TENM2: variants seen among roughly 807,000 people sequenced by gnomAD.
TENM2 encodes the protein teneurin transmembrane protein 2, also known as teneurin-2.
TENM2 carries 52 observed loss-of-function variants against 245.2 expected under a neutral mutation model. The ratio of observed to expected loss-of-function variants is 0.21; its 90% CI spans 0.17 to 0.27. TENM2 has a LOEUF of 0.27. TENM2 is among the 10% of genes least tolerant of loss of function. The pLI, the probability that TENM2 is intolerant of heterozygous loss-of-function variation, is 1.00. For synonymous variants in TENM2, 1,363 were observed against 1,438.9 expected, an observed-to-expected ratio of 0.95 and a Z score of 1.19; for missense variants, 3,046 against 3,666.8, an observed-to-expected ratio of 0.83 and a Z score of 4.37.
At chr5:167,388,977 A>G (rs1761602461) in intron 2 of TENM2, among the ~76,000 whole-genome samples, 1 of 151,994 alleles carries the variant, frequency 6.6e-6, no homozygotes, top group Non-Finnish European at 1.5e-5. Context: ...GGTCCTATAG[A>G]ATTTGATAAA....
the TENM2 span, among the ~76,000 whole-genome samples, chr5:167,028,936 T>A: frequency 6.6e-6 from 1 of 152,124 alleles, no homozygotes; most frequent in African/African-American, 2.4e-5. Context: ...TATAAGAAAT[T>A]ATTTATAAGG....
chr5:167,271,365 G>A, the TENM2 span, among the ~76,000 whole-genome samples: 1 of 152,098 alleles, frequency 6.6e-6, no homozygotes, highest in African/African-American at 2.4e-5. Flanking sequence ...ACAGGCTTCA[G>A]TAAACCTCCA....
chr5:167,390,147 G>A (rs1761668369), intron 2 of TENM2, among the ~76,000 whole-genome samples: 1 of 152,100 alleles, frequency 6.6e-6, no homozygotes, highest in South Asian at 2.1e-4. Context: ...ATTTTCTGTG[G>A]GATAGAACAC....
the TENM2 span, among the ~76,000 whole-genome samples, chr5:167,255,845 A>G: frequency 5.9e-5 from 9 of 152,214 alleles, no homozygotes; most frequent in African/African-American, 1.4e-4. Flanking sequence ...TTTTATTTCT[A>G]CTTCCTGCTC....
At chr5:167,425,251 A>G (rs930458801) in intron 2 of TENM2, among the ~76,000 whole-genome samples, 3 of 152,226 alleles carry the variant, frequency 2.0e-5, no homozygotes, top group African/African-American at 7.2e-5. Context: ...ATCAAATGAA[A>G]TAATCCAATA....
the TENM2 span, among the ~76,000 whole-genome samples, chr5:167,247,846 G>A: frequency 6.6e-6 from 1 of 152,124 alleles, no homozygotes; most frequent in South Asian, 2.1e-4. Flanking sequence ...GAAGGAACAT[G>A]AAATTAAATG....
At chr5:167,051,261 A>G in the TENM2 span, among the ~76,000 whole-genome samples, 1 of 152,000 alleles carries the variant, frequency 6.6e-6, no homozygotes, top group Non-Finnish European at 1.5e-5. Context: ...TTTGGATTCA[A>G]ATGTCATCTT....
chr5:167,470,733 C>T (rs887681528), intron 2 of TENM2, among the ~76,000 whole-genome samples: 2 of 151,982 alleles, frequency 1.3e-5, no homozygotes, highest in Non-Finnish European at 2.9e-5. Context: ...ATATCACATG[C>T]CTGGTCATGG....
chr5:167,191,612 G>A, the TENM2 span, among the ~76,000 whole-genome samples: 6 of 151,994 alleles, frequency 3.9e-5, no homozygotes, highest in Admixed American at 6.6e-5. Flanking sequence ...GGTTATTTTA[G>A]TACTGAGGAA....
At chr5:168,248,427 G>A (rs1766796921) in intron 27 of TENM2, 56 bp downstream of exon 29, 7 of 1,536,924 alleles carry the variant, frequency 4.6e-6, no homozygotes, top group African/African-American at 2.7e-5. Context: ...ACTTGTTGCT[G>A]TGGGGAACTT....
chr5:167,076,123 C>T, the TENM2 span, among the ~76,000 whole-genome samples: 1 of 152,048 alleles, frequency 6.6e-6, no homozygotes, highest in African/African-American at 2.4e-5. Flanking sequence ...TTAAACATAA[C>T]ATACAAAAAA....
chr5:167,376,558 T>C (rs1326349088), intron 2 of TENM2, among the ~76,000 whole-genome samples: 2 of 152,210 alleles, frequency 1.3e-5, no homozygotes, highest in African/African-American at 4.8e-5. Context: ...CATCATTTCC[T>C]GGGTAAGTCG....
chr5:168,117,976 C>T (rs1432615932), intron 9 of TENM2, among the ~76,000 whole-genome samples: 1 of 152,184 alleles, frequency 6.6e-6, no homozygotes, highest in Non-Finnish European at 1.5e-5. Flanking sequence ...CTGAGCCTCA[C>T]CTGCAAAAAT....
chr5:167,520,899 G>A (rs1770707461), intron 2 of TENM2, among the ~76,000 whole-genome samples: 1 of 149,432 alleles, frequency 6.7e-6, no homozygotes, highest in African/African-American at 2.5e-5. Context: ...CAACATATTG[G>A]CTCAGCTCAA....
At chr5:167,225,190 A>G in the TENM2 span, among the ~76,000 whole-genome samples, 1 of 151,654 alleles carries the variant, frequency 6.6e-6, no homozygotes, top group African/African-American at 2.4e-5. Context: ...TTTAGGGCTT[A>G]TAGCACTGTG....
At chr5:167,190,269 A>T in the TENM2 span, among the ~76,000 whole-genome samples, 1 of 152,022 alleles carries the variant, frequency 6.6e-6, no homozygotes, top group Non-Finnish European at 1.5e-5. Context: ...ATGGCAGGGG[A>T]TGAGATATCA....
chr5:167,357,241 A>G (rs1351909711), intron 1 of TENM2, among the ~76,000 whole-genome samples: 1 of 151,918 alleles, frequency 6.6e-6, no homozygotes, highest in Admixed American at 6.6e-5. Context: ...CATGGTCCAC[A>G]TGGAGCACAG....
chr5:167,437,563 G>T (rs1398120649), intron 2 of TENM2, among the ~76,000 whole-genome samples: 1 of 152,108 alleles, frequency 6.6e-6, no homozygotes, highest in African/African-American at 2.4e-5. Flanking sequence ...TGGAATGTGA[G>T]GACATGAAAT....
At chr5:167,329,256 G>T (rs1294806025) in intron 1 of TENM2, among the ~76,000 whole-genome samples, 1 of 151,964 alleles carries the variant, frequency 6.6e-6, no homozygotes, top group Non-Finnish European at 1.5e-5. Context: ...TTAAAGAGAA[G>T]GGTGGTGGGC....
Sources: allele counts gnomAD v4.1 joint callset (sites outside exome capture counted in the v4.1 genomes callset), GRCh38; gene constraint gnomAD v4.1.1; transcripts MANE v1.5; gene names NCBI Gene and HGNC (gene_info 2026-07-23, HGNC 2026-07-21).